The following THSD7A variants were observed in gnomAD, a reference collection of about 807,000 sequenced individuals.
The protein encoded by THSD7A is thrombospondin type-1 domain-containing protein 7A.
Under a neutral mutation model 231.3 loss-of-function variants are expected in THSD7A, and 96 were observed. That is an observed-to-expected ratio of 0.41 (90% CI 0.35 to 0.49). The LOEUF (loss-of-function observed/expected upper bound fraction) is 0.49, where lower values mean the gene tolerates loss of function less well. Among genes scored for constraint, THSD7A ranks in the 20% least tolerant of loss-of-function variants. The pLI is 0.05. For synonymous variants in THSD7A, 940 were observed against 743.3 expected (o/e 1.26, Z -4.30); for missense variants, 2,290 against 2,070.2 (o/e 1.11, Z -2.06).
intron 22 of THSD7A, among the ~76,000 whole-genome samples, chr7:11,402,324 AT>A (rs1783434663): frequency 6.6e-6 from 1 of 152,226 alleles, no homozygotes. Flanking sequence ...TTTATTACAC[AT>A]GAGTTACACT....
chr7:11,489,254 G>T (rs62438207), intron 6 of THSD7A, among the ~76,000 whole-genome samples: 155 of 152,204 alleles, frequency 1.0e-3, no homozygotes, highest in Non-Finnish European at 1.7e-3. Context: ...AAAAGCACTG[G>T]TGTTTATACA....
intron 1 of THSD7A, among the ~76,000 whole-genome samples, chr7:11,660,962 A>G (rs1311205584): frequency 1.3e-5 from 2 of 151,494 alleles, no homozygotes; most frequent in Non-Finnish European, 3.0e-5. Context: ...AATGAAGTGC[A>G]GGATAGTGAT....
At chr7:11,461,810 A>G (rs1017396443) in intron 10 of THSD7A, among the ~76,000 whole-genome samples, 1 of 152,182 alleles carries the variant, frequency 6.6e-6, no homozygotes, top group Non-Finnish European at 1.5e-5. Flanking sequence ...GTTTACACAA[A>G]TATTTGCCTT....
intron 6 of THSD7A, among the ~76,000 whole-genome samples, chr7:11,529,454 T>A (rs147748987): frequency 3.9e-4 from 59 of 152,184 alleles, no homozygotes; most frequent in African/African-American, 1.2e-3. Flanking sequence ...TCATCTTGAA[T>A]TGTAATCTGA....
At chr7:11,778,129 C>A (rs1359266211) in intron 1 of THSD7A, among the ~76,000 whole-genome samples, 2 of 114,084 alleles carry the variant, frequency 1.8e-5, no homozygotes, top group Non-Finnish European at 3.5e-5. Context: ...TGCACTCCAG[C>A]CTGGGCGACA....
intron 1 of THSD7A, chr7:11,820,771 C>A (rs1784851538): frequency 2.5e-6 from 3 of 1,204,628 alleles, no homozygotes; most frequent in African/African-American, 1.5e-5. Flanking sequence ...AGTGAGATGA[C>A]CGGGAGGAAG....
intron 6 of THSD7A, among the ~76,000 whole-genome samples, chr7:11,523,744 T>TA (rs1788362476): frequency 6.6e-6 from 1 of 152,094 alleles, no homozygotes. Flanking sequence ...AATATACTGG[T>TA]CTGTTGTACG....
At chr7:11,719,577 C>T (rs556874753) in intron 1 of THSD7A, among the ~76,000 whole-genome samples, 1 of 151,754 alleles carries the variant, frequency 6.6e-6, no homozygotes, top group South Asian at 2.1e-4. Context: ...ACATGGATCG[C>T]TCGGTCCTTT....
At chr7:11,523,630 C>T (rs1296537754) in intron 6 of THSD7A, among the ~76,000 whole-genome samples, 2 of 151,846 alleles carry the variant, frequency 1.3e-5, no homozygotes, top group Non-Finnish European at 2.9e-5. Context: ...AATGGCTTTA[C>T]TAAATAGTAA....
At chr7:11,676,351 C>T (rs1783637064) in intron 1 of THSD7A, among the ~76,000 whole-genome samples, 2 of 152,288 alleles carry the variant, frequency 1.3e-5, no homozygotes, top group South Asian at 2.1e-4. Flanking sequence ...AACAAGAATG[C>T]CTCTTCTCCT....
At position 11,750,117 on chromosome 7, in the gene THSD7A, T is replaced by C. The variant is rs557932631; in HGVS notation, c.190+81640A>G. Among the ~76,000 whole-genome samples the C allele has an allele frequency of 7.9e-5, 12 of 151,774 alleles. No individual in the cohort carries two copies. In the Middle Eastern group the frequency reaches 0.021, roughly 260 times the overall value. On this transcript the variant is annotated intron_variant, in intron 1 of 27. Transcript: ENST00000423059. ...TGGTAAAATTTACAGGGAGCCACAA[T>C]TCTGTATGCCATTTTAAGATTATGA...
chr7:11,480,569 CTT>C (rs927222790), intron 7 of THSD7A, among the ~76,000 whole-genome samples: 1 of 151,110 alleles, frequency 6.6e-6, no homozygotes. Context: ...AATAGATACA[CTT>C]TTTTTTTGGA....
chr7:11,709,129 A>C (rs1226510000), intron 1 of THSD7A, among the ~76,000 whole-genome samples: 3 of 150,748 alleles, frequency 2.0e-5, no homozygotes, highest in Non-Finnish European at 4.5e-5. Context: ...GCTATGAACA[A>C]GACAAGGCTA....
chr7:11,512,178 A>G (rs10280338), intron 6 of THSD7A, among the ~76,000 whole-genome samples: 129,249 of 152,176 alleles, frequency 0.85, 55,420 homozygotes, highest in African/African-American at 0.9. Context: ...AAAGACACAG[A>G]AAAAAATGCT....
At chr7:11,714,039 A>T (rs1781050005) in intron 1 of THSD7A, among the ~76,000 whole-genome samples, 1 of 151,236 alleles carries the variant, frequency 6.6e-6, no homozygotes, top group Non-Finnish European at 1.5e-5. Flanking sequence ...TAAGTTAAAT[A>T]TGTGTCTGTA....
chr7:11,605,270 A>T (rs972732969), intron 2 of THSD7A, among the ~76,000 whole-genome samples: 5 of 152,170 alleles, frequency 3.3e-5, no homozygotes, highest in African/African-American at 1.2e-4. Context: ...TAATATGGAA[A>T]AAAACAAATG....
intron 2 of THSD7A, among the ~76,000 whole-genome samples, chr7:11,594,845 A>G (rs1780301422): frequency 6.6e-6 from 1 of 152,184 alleles, no homozygotes; most frequent in Non-Finnish European, 1.5e-5. Context: ...GCAAGGAAAG[A>G]TGCATGCACA....
intron 2 of THSD7A, among the ~76,000 whole-genome samples, chr7:11,629,279 G>C (rs1159875054): frequency 6.6e-6 from 1 of 152,114 alleles, no homozygotes; most frequent in East Asian, 1.9e-4. Context: ...ATAATATACT[G>C]CCTGGTCAGC....
At chr7:11,708,780 T>C (rs1780852887) in intron 1 of THSD7A, among the ~76,000 whole-genome samples, 1 of 150,838 alleles carries the variant, frequency 6.6e-6, no homozygotes, top group South Asian at 2.1e-4. Context: ...TCTAGTATGC[T>C]ATTTTCACAA....
Sources: allele counts gnomAD v4.1 joint callset (sites outside exome capture counted in the v4.1 genomes callset), GRCh38; gene constraint gnomAD v4.1.1; transcripts MANE v1.5; gene names NCBI Gene and HGNC (gene_info 2026-07-23, HGNC 2026-07-21).